Variants in AZIN2 observed in about 807,000 individuals in gnomAD.
AZIN2 encodes the protein ODC antizyme inhibitor-2.
Under a neutral mutation model 47.8 loss-of-function variants are expected in AZIN2, and 28 were observed. The ratio of observed to expected loss-of-function variants is 0.59; its 90% CI spans 0.43 to 0.80. AZIN2 has a LOEUF of 0.80. Among genes scored for constraint, AZIN2 ranks in the 30% least tolerant of loss-of-function variants. AZIN2 has a pLI of 0.00. For synonymous variants in AZIN2, 221 were observed against 239.4 expected (o/e 0.92, Z 0.71); for missense variants, 535 against 582.5 (o/e 0.92, Z 0.84).
the AZIN2 span, among the ~76,000 whole-genome samples, chr1:33,129,881 C>T: frequency 2.4e-4 from 37 of 152,120 alleles, no homozygotes; most frequent in East Asian, 3.9e-4. This position sits in a 1 kb window ranked among gnomAD's most constrained non-coding sequence, Gnocchi z 4.1. Flanking sequence ...TATTTTGAGA[C>T]GGAGTTTTGC....
At chr1:33,134,047 G>A in the AZIN2 span, among the ~76,000 whole-genome samples, 1 of 152,226 alleles carries the variant, frequency 6.6e-6, no homozygotes, top group Non-Finnish European at 1.5e-5. Context: ...TTTATAAGGG[G>A]CAGAGGCAGG....
At chr1:33,125,290 G>A (rs1378738379), downstream of AZIN2, among the ~76,000 whole-genome samples, 1 of 152,206 alleles carries the variant, frequency 6.6e-6, no homozygotes, top group Non-Finnish European at 1.5e-5. Flanking sequence ...AGCTAAGCCT[G>A]TGTAAATTCA....
the AZIN2 span, chr1:33,146,938 C>T: frequency 5.8e-5 from 32 of 556,494 alleles, no homozygotes; most frequent in Non-Finnish European, 7.7e-5. Context: ...AGCCATGTCA[C>T]ATCCTTGGAT....
chr1:33,090,125 T>A (rs1642370871), intron 5 of AZIN2, among the ~76,000 whole-genome samples: 1 of 152,162 alleles, frequency 6.6e-6, no homozygotes, highest in Non-Finnish European at 1.5e-5. Flanking sequence ...TTTATGAAGT[T>A]TTATTGACTC....
At chr1:33,089,427 G>A (rs898505019) in intron 5 of AZIN2, among the ~76,000 whole-genome samples, 1 of 152,026 alleles carries the variant, frequency 6.6e-6, no homozygotes, top group South Asian at 2.1e-4. Context: ...GTGAGACCCT[G>A]TCTCTAATTA....
Position 33,113,650 on chromosome 1 carries a change from A to G in AZIN2, c.1030-4252A>G, listed in dbSNP as rs540036023. ...CATGGGTTTGAGACCTGGCTCTGCC[A>G]TAGACCAGCTGAGTAACCTTAGGCA... On this transcript the variant is annotated intron_variant, in intron 10 of 11. Transcript: ENST00000294517. This position sits in a 1 kb window ranked among gnomAD's most constrained non-coding sequence, Gnocchi z 4.1. Among the ~76,000 whole-genome samples the G allele has an allele frequency of 4.6e-5, 7 of 152,388 alleles. No homozygotes were observed. Among genetic ancestry groups the G allele is most frequent in the Admixed American group, 3.3e-4 (5 of 15,306 alleles).
downstream of AZIN2, among the ~76,000 whole-genome samples, chr1:33,127,925 A>G (rs1292594570): frequency 6.6e-6 from 1 of 151,928 alleles, no homozygotes; most frequent in Non-Finnish European, 1.5e-5. Flanking sequence ...AAGGACTCCT[A>G]CCCTCCACTG....
the AZIN2 span, chr1:33,146,486 G>C: frequency 6.3e-6 from 1 of 159,460 alleles, no homozygotes; most frequent in Non-Finnish European, 1.4e-5. Context: ...ATCAGCTTTG[G>C]GTATACCCTC....
chr1:33,134,842 T>C, the AZIN2 span, among the ~76,000 whole-genome samples: 2 of 152,228 alleles, frequency 1.3e-5, no homozygotes, highest in African/African-American at 4.8e-5. Context: ...GAGAAATCCC[T>C]GGCTCCTCAT....
intron 5 of AZIN2, 106 bp from the exon 6 acceptor site, chr1:33,091,944 G>T: frequency 8.2e-7 from 1 of 1,213,898 alleles, no homozygotes; most frequent in Middle Eastern, 2.4e-4. Flanking sequence ...CACTGTTATG[G>T]GCCTCCCTAT....
chr1:33,138,199 C>T, the AZIN2 span, among the ~76,000 whole-genome samples: 2 of 152,064 alleles, frequency 1.3e-5, no homozygotes, highest in African/African-American at 4.8e-5. Flanking sequence ...GTTCCCTACT[C>T]AGAATGGGGG....
At chr1:33,163,031 T>G in the AZIN2 span, 1 of 152,228 alleles carries the variant, frequency 6.6e-6, no homozygotes, top group East Asian at 1.9e-4. Flanking sequence ...TTTTGGTTTT[T>G]GTTTTTGTTG....
intron 11 of AZIN2, chr1:33,119,704 C>T: frequency 2.8e-6 from 1 of 352,962 alleles, no homozygotes; most frequent in Non-Finnish European, 5.3e-6. Context: ...TCACTTCTCT[C>T]TCTGGGGAAC....
At chr1:33,137,127 A>G in the AZIN2 span, among the ~76,000 whole-genome samples, 1 of 152,142 alleles carries the variant, frequency 6.6e-6, no homozygotes, top group Non-Finnish European at 1.5e-5. Context: ...TGAGGAAAAC[A>G]TCTCTTCTGT....
intron 10 of AZIN2, among the ~76,000 whole-genome samples, chr1:33,106,743 A>G (rs906954714): frequency 3.3e-5 from 5 of 152,166 alleles, no homozygotes; most frequent in African/African-American, 1.2e-4. Context: ...CTTTCAACAA[A>G]TTAGGTATGG....
At chr1:33,144,340 G>A in the AZIN2 span, among the ~76,000 whole-genome samples, 10 of 152,266 alleles carry the variant, frequency 6.6e-5, no homozygotes, top group Admixed American at 2.6e-4. Context: ...GTTTCTCCAC[G>A]TTGGTCAGGG....
In AZIN2 at chr1:33,122,518, GA is replaced by G. The variant is rs1644814565; in HGVS notation, c.*2342del. Reference sequence around the variant, plus strand: ...TATTTCAATCTTTTTCTAAAGAGAAGAAAAAAGCCTGAAATGTGGAGAATGG... The same window carrying G: ...TATTTCAATCTTTTTCTAAAGAGAAGAAAAAGCCTGAAATGTGGAGAATGG... On this transcript the variant is annotated 3_prime_UTR_variant, in exon 12 of 12. Transcript: ENST00000294517. 6.6e-6 allele frequency among the ~76,000 whole-genome samples: 1 copy of G among 152,144 alleles called. No homozygotes were observed. The highest frequency in any genetic ancestry group is 2.4e-5 in the African/African-American group (1 of 41,450).
the AZIN2 span, among the ~76,000 whole-genome samples, chr1:33,159,148 G>A: frequency 6.6e-6 from 1 of 151,960 alleles, no homozygotes; most frequent in African/African-American, 2.4e-5. This position sits in a 1 kb window ranked among gnomAD's most constrained non-coding sequence, Gnocchi z 4.2. Context: ...CCCAGCAGGA[G>A]CCTCAGTTTC....
chr1:33,088,817 A>T (rs1316034672), intron 5 of AZIN2, among the ~76,000 whole-genome samples: 1 of 152,184 alleles, frequency 6.6e-6, no homozygotes, highest in Non-Finnish European at 1.5e-5. Flanking sequence ...CTAACCCTGA[A>T]GTTGTCCTTT....
Sources: gnomAD v4.1 joint callset for allele counts (sites outside exome capture counted in the v4.1 genomes callset) on GRCh38, gnomAD v4.1.1 for gene constraint, Gnocchi (gnomAD v3.1) non-coding constraint, MANE v1.5 for transcripts, NCBI Gene and HGNC (gene_info 2026-07-23, HGNC 2026-07-21) for gene names.